The following PARP8 variants were observed in gnomAD, a reference collection of about 807,000 sequenced individuals.
The protein encoded by PARP8 is protein mono-ADP-ribosyltransferase PARP8.
Under a neutral mutation model 124.1 loss-of-function variants are expected in PARP8, and 51 were observed. The ratio of observed to expected loss-of-function variants is 0.41; its 90% CI spans 0.33 to 0.52. PARP8 has a LOEUF of 0.52. PARP8 is among the 20% of genes least tolerant of loss of function. PARP8 has a pLI of 0.21. For missense variants in PARP8, 860 were observed against 1,018.9 expected (o/e 0.84, Z 2.12); for synonymous variants, 391 against 361.5 (o/e 1.08, Z -0.93).
intron 14 of PARP8, among the ~76,000 whole-genome samples, chr5:50,812,073 G>A (rs114941734): frequency 0.067 from 10,255 of 152,214 alleles, 385 homozygotes; most frequent in Middle Eastern, 0.11. Flanking sequence ...CTTTAGAGTC[G>A]CATGATTTAT....
intron 2 of PARP8, among the ~76,000 whole-genome samples, chr5:50,729,262 T>C (rs1263745281): frequency 6.6e-6 from 1 of 152,174 alleles, no homozygotes; most frequent in Non-Finnish European, 1.5e-5. Context: ...GAGTGAGATA[T>C]GCCTCCTTTC....
chr5:50,670,714 T>A (rs1749913639), intron 2 of PARP8, among the ~76,000 whole-genome samples: 1 of 152,230 alleles, frequency 6.6e-6, no homozygotes, highest in African/African-American at 2.4e-5. Flanking sequence ...AGACACATAG[T>A]CACTTTCATC....
intron 2 of PARP8, among the ~76,000 whole-genome samples, chr5:50,707,113 C>T (rs1464166202): frequency 2.0e-5 from 3 of 151,850 alleles, no homozygotes; most frequent in Non-Finnish European, 2.9e-5. Context: ...GATATAAAAC[C>T]TTTTTTGTAC....
At chr5:50,671,475 A>G (rs529703245) in intron 2 of PARP8, among the ~76,000 whole-genome samples, 1 of 149,258 alleles carries the variant, frequency 6.7e-6, no homozygotes, top group East Asian at 2.0e-4. Context: ...CTGAGGTTTT[A>G]AAAGTACACA....
chr5:50,785,897 C>T (rs1741193140), intron 9 of PARP8, among the ~76,000 whole-genome samples: 1 of 152,108 alleles, frequency 6.6e-6, no homozygotes, highest in Non-Finnish European at 1.5e-5. Flanking sequence ...TATCTAAGCT[C>T]TTATATGTCA....
intron 9 of PARP8, among the ~76,000 whole-genome samples, chr5:50,788,060 C>A (rs1420072389): frequency 6.7e-6 from 1 of 149,540 alleles, no homozygotes; most frequent in Non-Finnish European, 1.5e-5. Context: ...TATGTAGATG[C>A]AAACATGTTG....
chr5:50,694,104 T>G (rs1752780081), intron 2 of PARP8, among the ~76,000 whole-genome samples: 1 of 152,202 alleles, frequency 6.6e-6, no homozygotes, highest in Admixed American at 6.5e-5. Context: ...TGTGAACATT[T>G]TATGTTGCTT....
intron 2 of PARP8, among the ~76,000 whole-genome samples, chr5:50,671,982 A>G (rs1286404593): frequency 6.6e-6 from 1 of 152,164 alleles, no homozygotes; most frequent in African/African-American, 2.4e-5. Flanking sequence ...CCGTCTAGAT[A>G]AATAGCACGC....
At position 50,834,066 on chromosome 5, in the gene PARP8, C is replaced by T. The variant is rs1747291047; in HGVS notation, c.2377+18C>T. On this transcript the variant is annotated intron_variant, in intron 24 of 25. Coordinates refer to ENST00000281631, the MANE Select transcript of PARP8 (RefSeq NM_024615.4). ...ATGTGAAGGTAAGTTGAAAGTTTTACAAACCTCATAGTGTTAGTTCCTAGC... is the reference window on the plus strand; with the variant it reads ...ATGTGAAGGTAAGTTGAAAGTTTTATAAACCTCATAGTGTTAGTTCCTAGC... 6.3e-6 allele frequency: 10 copies of T among 1,589,716 alleles called. No individual in the cohort carries two copies. The highest frequency in any genetic ancestry group is 8.6e-6 in the Non-Finnish European group (10 of 1,158,952).
chr5:50,733,979 A>G (rs1757244265), intron 2 of PARP8, among the ~76,000 whole-genome samples: 2 of 152,172 alleles, frequency 1.3e-5, no homozygotes, highest in African/African-American at 2.4e-5. Flanking sequence ...TTTTCTTCAT[A>G]CCGTGAACAG....
intron 9 of PARP8, among the ~76,000 whole-genome samples, chr5:50,781,109 A>G (rs2149615961): frequency 6.6e-6 from 1 of 152,012 alleles, no homozygotes; most frequent in East Asian, 1.9e-4. Flanking sequence ...TCATTTCTCT[A>G]ATTCTTTCAT....
At chr5:50,760,221 A>G (rs1202480852) in intron 4 of PARP8, 71 bp from the exon 5 acceptor site, 35 of 1,294,392 alleles carry the variant, frequency 2.7e-5, no homozygotes, top group Middle Eastern at 2.2e-4. Context: ...GTTTTATACC[A>G]AAACTTATGA....
chr5:50,829,889 T>C lies in PARP8; in HGVS notation c.2164-3T>C. On this transcript the variant is annotated splice_region_variant and splice_polypyrimidine_tract_variant and intron_variant, in intron 21 of 25. Coordinates refer to ENST00000281631, the MANE Select transcript of PARP8 (RefSeq NM_024615.4). ...TCTCTCTCTCCCACTCTTCCCATCT[T>C]AGCTCCATGGTGCAATGTATGGAAG... 6.2e-7 allele frequency: 1 copy of C among 1,603,730 alleles called. No homozygotes were observed. Among genetic ancestry groups the C allele is most frequent in the Non-Finnish European group, 8.5e-7 (1 of 1,174,426 alleles).
rs1377625854 is a variant in PARP8, at chr5:50,843,087, G to A, written c.*1019G>A. ...TCTCTGCTTATTTTTTTCATATTGA[G>A]AAAGAACACAAACTTGATGCTTCTT... On this transcript the variant is annotated 3_prime_UTR_variant, in exon 26 of 26. Coordinates refer to ENST00000281631, the MANE Select transcript of PARP8 (RefSeq NM_024615.4). 2 of 22,028 alleles carry A rather than the reference G, an allele frequency of 9.1e-5. No individual in the cohort carries two copies. The highest frequency in any genetic ancestry group is 1.7e-4 in the Non-Finnish European group (2 of 11,802). The allele number at this position is 22,028 out of a possible 1,614,324, so 1.4% of individuals were successfully genotyped here.
At chr5:50,743,224 A>C (rs1758231236) in intron 2 of PARP8, among the ~76,000 whole-genome samples, 1 of 152,142 alleles carries the variant, frequency 6.6e-6, no homozygotes, top group Non-Finnish European at 1.5e-5. Flanking sequence ...ATTTTTGGTA[A>C]AGAGGAAAAG....
chr5:50,805,023 G>C (rs959561206), intron 14 of PARP8, among the ~76,000 whole-genome samples: 2 of 152,010 alleles, frequency 1.3e-5, no homozygotes, highest in Non-Finnish European at 2.9e-5. Flanking sequence ...TACTCCTTGG[G>C]TTGCTGCAAG....
chr5:50,671,230 CT>C (rs1749969517), intron 2 of PARP8, among the ~76,000 whole-genome samples: 1 of 152,192 alleles, frequency 6.6e-6, no homozygotes, highest in South Asian at 2.1e-4. Flanking sequence ...AAGGTTTGGG[CT>C]TCTGTTCCTT....
Position 50,822,330 on chromosome 5 carries a change from A to T in PARP8, c.1795-5A>T, listed in dbSNP as rs1373386084. ...GTTTTTTAACATCACTTTTTCATTA[A>T]ACAGAAAAAGAACTATGATCGAGTA... On this transcript the variant is annotated splice_region_variant and splice_polypyrimidine_tract_variant and intron_variant, in intron 16 of 25. Transcript: ENST00000281631. 1 of 1,602,990 alleles carries T rather than the reference A, an allele frequency of 6.2e-7. No individual in the cohort carries two copies. Among genetic ancestry groups the T allele is most frequent in the South Asian group, 1.1e-5 (1 of 90,748 alleles).
chr5:50,818,328 A>C (rs1323000293), intron 15 of PARP8, among the ~76,000 whole-genome samples: 1 of 152,070 alleles, frequency 6.6e-6, no homozygotes, highest in Non-Finnish European at 1.5e-5. Flanking sequence ...TCATGGGTTC[A>C]AGCGATTCTC....
Sources: gnomAD v4.1 joint callset for allele counts (sites outside exome capture counted in the v4.1 genomes callset) on GRCh38, gnomAD v4.1.1 for gene constraint, MANE v1.5 for transcripts, NCBI Gene and HGNC (gene_info 2026-07-23, HGNC 2026-07-21) for gene names.